Variants in SCAF11 observed in about 807,000 individuals in gnomAD.
SCAF11 encodes protein SCAF11.
A neutral mutation model predicts 140.5 loss-of-function variants in SCAF11; 47 were observed. The observed-to-expected ratio is 0.33, with a 90% confidence interval of 0.26 to 0.43. The LOEUF is 0.43. SCAF11 is among the 20% of genes least tolerant of loss of function. The pLI is 1.00. For synonymous variants in SCAF11, 557 were observed against 579.4 expected (o/e 0.96, Z 0.55); for missense variants, 1,645 against 1,705.1 (o/e 0.96, Z 0.62).
chr12:45,952,518 C>T (rs772312598), intron 3 of SCAF11, among the ~76,000 whole-genome samples: 33 of 152,088 alleles, frequency 2.2e-4, no homozygotes, highest in Admixed American at 5.2e-4. Context: ...TACTCTTTTT[C>T]AAATTGAGTT....
At chr12:45,929,675 G>T (rs1376055978) in intron 10 of SCAF11, 1 of 152,142 alleles carries the variant, frequency 6.6e-6, no homozygotes, top group Non-Finnish European at 1.5e-5. Flanking sequence ...TTTCTAGTTG[G>T]AATATTTTTT....
chr12:45,945,691 C>CT (rs2136561040), intron 5 of SCAF11, among the ~76,000 whole-genome samples: 1 of 152,032 alleles, frequency 6.6e-6, no homozygotes, highest in South Asian at 2.1e-4. Context: ...CATGCACCAC[C>CT]TTGTCAGGTT....
intron 1 of SCAF11, among the ~76,000 whole-genome samples, chr12:45,987,348 TTAGTC>T (rs1424604188): frequency 6.6e-6 from 1 of 152,252 alleles, no homozygotes; most frequent in Non-Finnish European, 1.5e-5. Flanking sequence ...TGAGACTTGC[TTAGTC>T]TAAAGTTTCA....
intron 1 of SCAF11, among the ~76,000 whole-genome samples, chr12:45,976,765 C>A (rs749542781): frequency 6.6e-6 from 1 of 151,954 alleles, no homozygotes; most frequent in Non-Finnish European, 1.5e-5. Flanking sequence ...GGTCTCAAAT[C>A]AGTAATTTAA....
At chr12:45,931,399 T>G in intron 10 of SCAF11, 107 bp downstream of exon 10, 1 of 531,172 alleles carries the variant, frequency 1.9e-6, no homozygotes, top group Non-Finnish European at 3.2e-6. Context: ...CAAGTTACTA[T>G]GCCTTACTTT....
rs141978489 is a variant in SCAF11, at chr12:45,927,647, T to G, written c.2054A>C (p.Asn685Thr). ...TKLEKSLEEK[N>T]ESLTEHPRST... Reference sequence around the variant, plus strand: ...TCTAGGATGTTCGGTCAGCGATTCATTCTTTTCTTCTAAAGATTTTTCCAA... The same window carrying G: ...TCTAGGATGTTCGGTCAGCGATTCAGTCTTTTCTTCTAAAGATTTTTCCAA... Residue 685 changes from asparagine (N) to threonine (T), a missense_variant, in exon 11 of 15, where the codon AAT becomes ACT. This residue lies in a region of SCAF11 where 1,582 missense variants were observed against 1,609.2 expected (regional missense o/e 0.98). Coordinates refer to ENST00000369367, the MANE Select transcript of SCAF11 (RefSeq NM_004719.3). 3.3e-5 allele frequency: 54 copies of G among 1,612,110 alleles called. No homozygotes were observed. Among genetic ancestry groups the G allele is most frequent in the Admixed American group, 1.2e-4 (7 of 59,988 alleles).
At chr12:45,990,632 T>C, upstream of SCAF11, 1 of 1,171,936 alleles carries the variant, frequency 8.5e-7, no homozygotes. Context: ...CGCGTCTCCC[T>C]CCTCCTCCCT....
At chr12:45,982,839 T>G (rs1946378327) in intron 1 of SCAF11, among the ~76,000 whole-genome samples, 1 of 152,206 alleles carries the variant, frequency 6.6e-6, no homozygotes, top group South Asian at 2.1e-4. Context: ...GCTAAATAAC[T>G]ACTGTGGTCA....
intron 1 of SCAF11, among the ~76,000 whole-genome samples, chr12:45,972,975 T>TATAG (rs1477539619): frequency 7.1e-6 from 1 of 139,966 alleles, no homozygotes; most frequent in African/African-American, 2.8e-5. Context: ...TATATAGATA[T>TATAG]ATAGATATAT....
chr12:45,922,543 A>T lies in SCAF11; in HGVS notation c.4165T>A (p.Leu1389Met). 6.3e-7 allele frequency: 1 copy of T among 1,598,994 alleles called. No homozygotes were observed. Among genetic ancestry groups the T allele is most frequent in the Non-Finnish European group, 8.5e-7 (1 of 1,176,998 alleles). The change falls in exon 14 of 15, where the codon TTG becomes ATG. Residue 1389 changes from leucine to methionine, a missense_variant. By Grantham distance (15) the Leu-to-Met change is conservative. Around this residue, in one of 2 missense-constraint regions of SCAF11, gnomAD observed 63 missense variants for 95.9 expected, o/e 0.66. Coordinates refer to ENST00000369367, the MANE Select transcript of SCAF11 (RefSeq NM_004719.3). ...IQEKAAQEVK[L>M]AIKPFYQNKD... ...TTTTGGTAAAATGGCTTGATGGCCA[A>T]TTTTACCTCTTGTGCTGCTTTTTCT... is the stretch of plus-strand genomic sequence containing the variant.
At chr12:45,975,320 T>C (rs1007625814) in intron 1 of SCAF11, 5 of 152,272 alleles carry the variant, frequency 3.3e-5, no homozygotes, top group African/African-American at 9.7e-5. Flanking sequence ...AGCCAGGCAT[T>C]GACTTCTCCT....
Position 45,927,113 on chromosome 12 carries a change from T to G in SCAF11, c.2588A>C (p.Gln863Pro). Residue 863 changes from glutamine (Q) to proline (P), a missense_variant, in exon 11 of 15, where the codon CAG becomes CCG. Around this residue, in one of 2 missense-constraint regions of SCAF11, gnomAD observed 1,582 missense variants for 1,609.2 expected, o/e 0.98. Coordinates refer to ENST00000369367, the MANE Select transcript of SCAF11 (RefSeq NM_004719.3). ...AGTATCCCTTTTTGGAGACCGAGAC[T>G]GAGATTGCCTCCTTTCTCTTGCAAT... Reference protein sequence around the residue: ...KDIARERRQSQSRSPKRDTTR... With the variant: ...KDIARERRQSPSRSPKRDTTR... 6.2e-7 allele frequency: 1 copy of G among 1,614,218 alleles called. No homozygotes were observed. Among genetic ancestry groups the G allele is most frequent in the Non-Finnish European group, 8.5e-7 (1 of 1,180,028 alleles).
intron 6 of SCAF11, among the ~76,000 whole-genome samples, chr12:45,943,984 G>A (rs1038683492): frequency 6.6e-6 from 1 of 152,056 alleles, no homozygotes; most frequent in African/African-American, 2.4e-5. Flanking sequence ...TGAAGCATAT[G>A]GAATTTAAGA....
rs1174164909 is a variant in SCAF11 at position 45,920,023 on chromosome 12, GGT to G, written c.*2023_*2024del. Reference sequence around the variant, plus strand: ...AGTTCTAATCTAAAACAACTAAGGAGGTGTGCCTTGATATTCTGAAACACTGT... The same window carrying G: ...AGTTCTAATCTAAAACAACTAAGGAGGTGCCTTGATATTCTGAAACACTGT... On this transcript the variant is annotated 3_prime_UTR_variant, in exon 15 of 15. Coordinates refer to ENST00000369367, the MANE Select transcript of SCAF11 (RefSeq NM_004719.3). The G allele has an allele frequency of 6.6e-6, 1 of 152,134 alleles. No individual in the cohort carries two copies. The highest frequency in any genetic ancestry group is 2.4e-5 in the African/African-American group (1 of 41,438). The allele number at this position is 152,134 out of a possible 1,614,324, so 9.4% of individuals were successfully genotyped here.
intron 9 of SCAF11, 72 bp downstream of exon 9, chr12:45,933,059 G>C: frequency 1.0e-6 from 1 of 969,524 alleles, no homozygotes; most frequent in South Asian, 1.5e-5. Flanking sequence ...AGGTACCCTT[G>C]TACTTAAGTA....
At chr12:45,974,225 G>T in intron 1 of SCAF11, 1 of 470,824 alleles carries the variant, frequency 2.1e-6, no homozygotes, top group Non-Finnish European at 4.4e-6. Flanking sequence ...ATCTCAGCAA[G>T]GCTTCAGCAA....
intron 8 of SCAF11, 146 bp downstream of exon 8, chr12:45,934,030 C>G (rs960645183): frequency 2.0e-6 from 1 of 510,884 alleles, no homozygotes; most frequent in Non-Finnish European, 3.5e-6. Flanking sequence ...AGTTTACCTT[C>G]CCCCCCGCCC....
upstream of SCAF11, chr12:45,991,975 C>G (rs939996598): frequency 3.0e-5 from 39 of 1,289,228 alleles, no homozygotes; most frequent in Non-Finnish European, 3.8e-5. Flanking sequence ...TCCAGCCACC[C>G]TGACGCCTGC....
intron 1 of SCAF11, among the ~76,000 whole-genome samples, chr12:45,985,179 T>C (rs995831581): frequency 2.2e-4 from 34 of 152,170 alleles, no homozygotes; most frequent in African/African-American, 8.0e-4. Flanking sequence ...GGTACCAATT[T>C]CTCCAATTTC....
Sources: allele counts gnomAD v4.1 joint callset (sites outside exome capture counted in the v4.1 genomes callset), GRCh38; gene constraint gnomAD v4.1.1; regional missense constraint gnomAD v4.1.1; transcripts MANE v1.5; gene names NCBI Gene and HGNC (gene_info 2026-07-23, HGNC 2026-07-21).